The following TJP1 variants were observed in gnomAD, a reference collection of about 807,000 sequenced individuals.
TJP1 encodes tight junction protein 1, also known as tight junction protein ZO-1.
A neutral mutation model predicts 194.2 loss-of-function variants in TJP1; 43 were observed. The ratio of observed to expected loss-of-function variants is 0.22; its 90% CI spans 0.17 to 0.29. The LOEUF (loss-of-function observed/expected upper bound fraction) is 0.29, where lower values mean the gene tolerates loss of function less well. Among genes scored for constraint, TJP1 ranks in the 10% least tolerant of loss-of-function variants. The pLI, the probability that TJP1 is intolerant of heterozygous loss-of-function variation, is 1.00. For synonymous variants in TJP1, 801 were observed against 779.0 expected, an observed-to-expected ratio of 1.03 and a Z score of -0.47; for missense variants, 1,971 against 2,185.7, an observed-to-expected ratio of 0.90 and a Z score of 1.96.
At chr15:29,800,257 T>A (rs1028067266) in intron 2 of TJP1, among the ~76,000 whole-genome samples, 2 of 152,230 alleles carry the variant, frequency 1.3e-5, no homozygotes, top group Non-Finnish European at 2.9e-5. Context: ...CAATTAAGTA[T>A]CTTTTAGGAT....
intron 8 of TJP1, among the ~76,000 whole-genome samples, chr15:29,744,208 GA>G (rs2044613979): frequency 6.6e-6 from 1 of 152,114 alleles, no homozygotes; most frequent in South Asian, 2.1e-4. Flanking sequence ...TCATCCATGA[GA>G]ACTTTCACAT....
At chr15:29,712,396 T>C (rs2042295410) in intron 23 of TJP1, among the ~76,000 whole-genome samples, 1 of 152,164 alleles carries the variant, frequency 6.6e-6, no homozygotes, top group South Asian at 2.1e-4. Context: ...ATAGCTAGTG[T>C]AAGAGCCAAG....
chr15:29,890,208 C>T (rs543077389), intron 2 of TJP1, among the ~76,000 whole-genome samples: 3 of 152,068 alleles, frequency 2.0e-5, no homozygotes, highest in South Asian at 2.1e-4. Flanking sequence ...GGGGTGGGAT[C>T]CCGCTGCCAA....
At chr15:29,707,228 G>A (rs1014742116) in intron 25 of TJP1, among the ~76,000 whole-genome samples, 7 of 152,226 alleles carry the variant, frequency 4.6e-5, no homozygotes, top group Admixed American at 1.3e-4. Flanking sequence ...AGGGGATGTG[G>A]TATCAATGAC....
At chr15:29,709,801 C>T (rs1179838072) in intron 24 of TJP1, among the ~76,000 whole-genome samples, 1 of 152,138 alleles carries the variant, frequency 6.6e-6, no homozygotes, top group African/African-American at 2.4e-5. Context: ...TCCAATTTCA[C>T]CACTTACATT....
At chr15:29,936,366 G>C (rs572491901) in intron 2 of TJP1, among the ~76,000 whole-genome samples, 3 of 152,270 alleles carry the variant, frequency 2.0e-5, no homozygotes, top group Admixed American at 2.0e-4. Flanking sequence ...GCTCCTCTAT[G>C]TTGCCAGCAC....
At chr15:29,920,598 C>T (rs1468972038) in intron 2 of TJP1, among the ~76,000 whole-genome samples, 4 of 152,202 alleles carry the variant, frequency 2.6e-5, no homozygotes, top group African/African-American at 7.2e-5. Flanking sequence ...CGTTACCTAT[C>T]TTCGGGGTTG....
At position 29,937,472 on chromosome 15, in the gene TJP1, T is replaced by C. The variant is rs141028700; in HGVS notation, c.306+18760A>G. Among the ~76,000 whole-genome samples the C allele has an allele frequency of 2.8e-3, 429 of 152,294 alleles. 2 individuals carry two copies. Among genetic ancestry groups the C allele is most frequent in the Non-Finnish European group, 4.0e-3 (274 of 68,014 alleles). On this transcript the variant is annotated intron_variant, in intron 2 of 28. Coordinates refer to the TJP1 transcript ENST00000356107. The stretch of plus-strand genomic sequence containing the variant: ...GTAAATTTATATATTTTATCTTCTG[T>C]AATGAAAACTAAGGGGAAAAAGGCA...
intron 2 of TJP1, among the ~76,000 whole-genome samples, chr15:29,938,076 A>T (rs2054942135): frequency 6.6e-6 from 1 of 152,220 alleles, no homozygotes; most frequent in South Asian, 2.1e-4. Flanking sequence ...CTTGACATAT[A>T]AAAAGAATCA....
intron 2 of TJP1, among the ~76,000 whole-genome samples, chr15:29,859,988 A>G (rs2052012342): frequency 6.6e-6 from 1 of 151,846 alleles, no homozygotes; most frequent in South Asian, 2.1e-4. Context: ...GAAACCCAAC[A>G]GCTCTGAGGA....
chr15:29,896,428 T>G, intron 2 of TJP1, among the ~76,000 whole-genome samples: 1 of 152,212 alleles, frequency 6.6e-6, no homozygotes, highest in Admixed American at 6.5e-5. Context: ...ATAAACCTCT[T>G]TCTTCTCTAA....
At chr15:29,815,364 G>C (rs552968348) in intron 1 of TJP1, among the ~76,000 whole-genome samples, 31 of 152,310 alleles carry the variant, frequency 2.0e-4, no homozygotes, top group African/African-American at 7.0e-4. Context: ...AAAGTAAAAA[G>C]GTTTTTCAAG....
intron 2 of TJP1, among the ~76,000 whole-genome samples, chr15:29,776,849 A>C (rs2047046076): frequency 6.6e-6 from 1 of 152,246 alleles, no homozygotes; most frequent in African/African-American, 2.4e-5. Context: ...CTCAAATTTT[A>C]AATTTTGTTT....
At chr15:29,730,663 G>T in intron 15 of TJP1, 1 of 717,356 alleles carries the variant, frequency 1.4e-6, no homozygotes. Context: ...CAAAGCCCGC[G>T]TGCCGCTGCA....
chr15:29,852,836 G>A (rs922838524), intron 2 of TJP1, among the ~76,000 whole-genome samples: 31 of 151,772 alleles, frequency 2.0e-4, no homozygotes, highest in African/African-American at 6.3e-4. Context: ...CCTGGGAGGC[G>A]GAGGTTGCAG....
At chr15:29,708,413 T>C (rs1431204680) in intron 25 of TJP1, 146 bp downstream of exon 25, 2 of 697,946 alleles carry the variant, frequency 2.9e-6, no homozygotes, top group South Asian at 1.8e-5. Context: ...GGACCTTCTA[T>C]GTAACAGCAT....
Position 29,862,462 on chromosome 15 carries a change from C to CAA in TJP1, c.307-61762_307-61761dup, listed in dbSNP as rs1031275065. Among the ~76,000 whole-genome samples the CAA allele has an allele frequency of 7.4e-5, 11 of 149,368 alleles. 1 individual carries two copies. The highest frequency in any genetic ancestry group is 2.7e-4 in the African/African-American group (11 of 40,784). ...GGAGGATCATTCTAGGCAAAACAAA[C>CAA]AAAAAAAAACCCCTCGTATACAAAA... On this transcript the variant is annotated intron_variant, in intron 2 of 28. Coordinates refer to the TJP1 transcript ENST00000356107.
chr15:29,919,388 G>C (rs1447347802), intron 2 of TJP1, among the ~76,000 whole-genome samples: 1 of 152,132 alleles, frequency 6.6e-6, no homozygotes, highest in Non-Finnish European at 1.5e-5. Context: ...GATTCATGCA[G>C]TCATACAACA....
At chr15:29,722,444 G>A (rs1172881359) in intron 18 of TJP1, among the ~76,000 whole-genome samples, 1 of 152,226 alleles carries the variant, frequency 6.6e-6, no homozygotes, top group African/African-American at 2.4e-5. Context: ...GCTTCCACAT[G>A]ATGCTAAGTC....
Sources: gnomAD v4.1 joint callset for allele counts (sites outside exome capture counted in the v4.1 genomes callset) on GRCh38, gnomAD v4.1.1 for gene constraint, MANE v1.5 for transcripts, NCBI Gene and HGNC (gene_info 2026-07-23, HGNC 2026-07-21) for gene names.